SUGCT: variants seen among roughly 807,000 people sequenced by gnomAD.
SUGCT encodes the protein succinyl-CoA:glutarate CoA-transferase.
In SUGCT, 41 loss-of-function variants were observed where a neutral mutation model predicts 55.0. The observed-to-expected ratio is 0.74, with a 90% CI of 0.58 to 0.97. SUGCT has a LOEUF of 0.97. SUGCT is among the 50% of genes least tolerant of loss of function. The pLI is 0.00. For synonymous variants in SUGCT, 187 were observed against 200.4 expected (o/e 0.93, Z 0.56); for missense variants, 568 against 547.8 (o/e 1.04, Z -0.37).
intron 12 of SUGCT, among the ~76,000 whole-genome samples, chr7:40,693,030 G>C (rs1784765707): frequency 6.6e-6 from 1 of 152,198 alleles, no homozygotes; most frequent in Non-Finnish European, 1.5e-5. Flanking sequence ...AGAGAGGAAA[G>C]GAGTTGTGAA....
intron 12 of SUGCT, among the ~76,000 whole-genome samples, chr7:40,504,235 T>C (rs1792459806): frequency 6.6e-6 from 1 of 151,084 alleles, no homozygotes; most frequent in African/African-American, 2.5e-5. Flanking sequence ...ATAGACCTTC[T>C]TCTTTTTTAA....
the SUGCT span, among the ~76,000 whole-genome samples, chr7:40,911,172 A>G: frequency 6.6e-6 from 1 of 152,190 alleles, no homozygotes; most frequent in Non-Finnish European, 1.5e-5. Flanking sequence ...CGGGGGTGGG[A>G]TAAGTTCAGA....
intron 12 of SUGCT, among the ~76,000 whole-genome samples, chr7:40,681,190 G>T (rs967703981): frequency 2.6e-5 from 4 of 152,018 alleles, no homozygotes; most frequent in Non-Finnish European, 5.9e-5. Flanking sequence ...AGTAGTGATT[G>T]GCAGCCCCTA....
chr7:40,695,154 C>A (rs1402024980), intron 12 of SUGCT, among the ~76,000 whole-genome samples: 2 of 150,658 alleles, frequency 1.3e-5, no homozygotes, highest in African/African-American at 4.9e-5. Context: ...ATGTTATCTA[C>A]CTAAACCCTT....
chr7:40,933,841 T>G, the SUGCT span, among the ~76,000 whole-genome samples: 1 of 152,162 alleles, frequency 6.6e-6, no homozygotes, highest in African/African-American at 2.4e-5. Context: ...CGTCTAACCT[T>G]TTTTCAAGGT....
intron 9 of SUGCT, among the ~76,000 whole-genome samples, chr7:40,442,441 A>G (rs1788565009): frequency 6.6e-6 from 1 of 152,134 alleles, no homozygotes; most frequent in Non-Finnish European, 1.5e-5. Context: ...GAAGAATGCT[A>G]CTTAATAGTT....
At position 40,323,741 on chromosome 7, in the gene SUGCT, G is replaced by A. The variant is rs191988044; in HGVS notation, c.816+6886G>A. ...ATAGCTTTGCCTTTATACTCAACTG[G>A]CAAAATCCCAGTGCGGATAGACTTA... On this transcript the variant is annotated intron_variant, in intron 9 of 13. Transcript: ENST00000335693. Among the ~76,000 whole-genome samples the A allele has an allele frequency of 2.6e-5, 4 of 152,182 alleles. No homozygotes were observed. The East Asian group carries it at 7.7e-4, about 29-fold the overall frequency.
At chr7:40,670,860 C>A (rs1276606497) in intron 12 of SUGCT, among the ~76,000 whole-genome samples, 1 of 151,950 alleles carries the variant, frequency 6.6e-6, no homozygotes, top group African/African-American at 2.4e-5. Flanking sequence ...AACAAAAAAA[C>A]CCACCAATTT....
chr7:40,664,352 A>C (rs943862544), intron 12 of SUGCT, among the ~76,000 whole-genome samples: 1 of 152,174 alleles, frequency 6.6e-6, no homozygotes, highest in African/African-American at 2.4e-5. Context: ...AGTCAGGGAA[A>C]TCTAACTCAA....
the SUGCT span, among the ~76,000 whole-genome samples, chr7:40,979,164 T>TA: frequency 2.6e-5 from 4 of 152,104 alleles, no homozygotes; most frequent in South Asian, 8.3e-4. Flanking sequence ...TTCCTTGACT[T>TA]AGTTTCCCCC....
chr7:40,337,306 G>T (rs143578412), intron 9 of SUGCT, among the ~76,000 whole-genome samples: 2,314 of 152,056 alleles, frequency 0.015, 48 homozygotes, highest in South Asian at 0.059. Context: ...ATATGCTTGT[G>T]AACTTTCTGT....
intron 12 of SUGCT, among the ~76,000 whole-genome samples, chr7:40,671,785 AT>A (rs1801952173): frequency 6.6e-6 from 1 of 152,220 alleles, no homozygotes; most frequent in African/African-American, 2.4e-5. Context: ...AAATTCATAT[AT>A]AAGTTTCATG....
At chr7:40,962,451 C>T in the SUGCT span, among the ~76,000 whole-genome samples, 180 of 152,164 alleles carry the variant, frequency 1.2e-3, 1 homozygote, top group African/African-American at 4.0e-3. Context: ...TCCTGTTTGC[C>T]TCAAGTGGAC....
At chr7:40,947,444 C>A in the SUGCT span, among the ~76,000 whole-genome samples, 1 of 149,824 alleles carries the variant, frequency 6.7e-6, no homozygotes, top group Non-Finnish European at 1.5e-5. Context: ...TCTGGGCTTT[C>A]TCATGCACAA....
chr7:40,157,022 A>AAT (rs1783931372), intron 1 of SUGCT, among the ~76,000 whole-genome samples: 1 of 151,816 alleles, frequency 6.6e-6, no homozygotes, highest in African/African-American at 2.4e-5. Context: ...CAAAAAAAAA[A>AAT]AAAAAAGGTA....
At chr7:40,937,812 C>T in the SUGCT span, among the ~76,000 whole-genome samples, 5 of 152,070 alleles carry the variant, frequency 3.3e-5, no homozygotes, top group African/African-American at 9.7e-5. Context: ...GTGTTTTATA[C>T]ACTAACGGTC....
intron 1 of SUGCT, among the ~76,000 whole-genome samples, chr7:40,177,308 G>A (rs945748741): frequency 6.6e-6 from 1 of 151,828 alleles, no homozygotes; most frequent in Non-Finnish European, 1.5e-5. Context: ...GGCACTAGCT[G>A]TTTCTATACC....
At chr7:40,327,235 T>C (rs1337115408) in intron 9 of SUGCT, among the ~76,000 whole-genome samples, 1 of 149,866 alleles carries the variant, frequency 6.7e-6, no homozygotes, top group Non-Finnish European at 1.5e-5. Flanking sequence ...TTTGGGATTC[T>C]TGTTAAAGCA....
intron 11 of SUGCT, among the ~76,000 whole-genome samples, chr7:40,483,594 G>A (rs1243968569): frequency 1.3e-5 from 2 of 151,870 alleles, no homozygotes; most frequent in African/African-American, 4.8e-5. Flanking sequence ...TAAAAGAGAA[G>A]CTATAGTCCA....
Sources: allele counts gnomAD v4.1 joint callset (sites outside exome capture counted in the v4.1 genomes callset), GRCh38; gene constraint gnomAD v4.1.1; transcripts MANE v1.5; gene names NCBI Gene and HGNC (gene_info 2026-07-23, HGNC 2026-07-21).